NXPH1: variants seen among roughly 807,000 people sequenced by gnomAD.
NXPH1 encodes the protein neurexophilin-1.
Under a neutral mutation model 23.7 loss-of-function variants are expected in NXPH1, and 5 were observed. The ratio of observed to expected loss-of-function variants is 0.21; its 90% CI spans 0.11 to 0.44. The LOEUF (loss-of-function observed/expected upper bound fraction) is 0.44. Among genes scored for constraint, NXPH1 ranks in the 20% least tolerant of loss-of-function variants. The pLI is 0.99. For missense variants in NXPH1, 324 were observed against 321.6 expected, an observed-to-expected ratio of 1.01 and a Z score of -0.06; for synonymous variants, 144 against 122.2, an observed-to-expected ratio of 1.18 and a Z score of -1.18.
At chr7:8,640,481 A>T (rs892693285) in intron 2 of NXPH1, among the ~76,000 whole-genome samples, 69 of 151,730 alleles carry the variant, frequency 4.5e-4, no homozygotes, top group African/African-American at 1.4e-3. Context: ...TCTTTGATCT[A>T]GTCATACATT....
intron 2 of NXPH1, among the ~76,000 whole-genome samples, chr7:8,608,934 C>G (rs1040310323): frequency 6.6e-6 from 1 of 152,046 alleles, no homozygotes; most frequent in Admixed American, 6.6e-5. Context: ...GGGATATATA[C>G]AGTAAGTCCT....
In NXPH1 at chr7:8,606,958, G is replaced by A. The variant is rs147405480; in HGVS notation, c.55-144050G>A. ...AAACCACTAATTTTATTGATTGCTT[G>A]ATTTCTGATGTTTTGTGAATATAAC... On this transcript the variant is annotated intron_variant, in intron 2 of 2. Coordinates refer to ENST00000405863, the MANE Select transcript of NXPH1 (RefSeq NM_152745.3). 2.6e-5 allele frequency among the ~76,000 whole-genome samples: 4 copies of A among 152,166 alleles called. No individual in the cohort carries two copies. In the East Asian group the frequency reaches 7.7e-4, roughly 29 times the overall value.
At chr7:8,493,599 C>T (rs917859447) in intron 2 of NXPH1, among the ~76,000 whole-genome samples, 4 of 152,018 alleles carry the variant, frequency 2.6e-5, no homozygotes, top group Non-Finnish European at 5.9e-5. Context: ...TATATTTTCT[C>T]TCCTTGACCT....
At chr7:8,507,060 G>A (rs1817538626) in intron 2 of NXPH1, among the ~76,000 whole-genome samples, 1 of 149,804 alleles carries the variant, frequency 6.7e-6, no homozygotes, top group Admixed American at 6.6e-5. Flanking sequence ...CAAATGGGAA[G>A]CTATGCAACA....
chr7:8,604,320 A>C (rs1819429406), intron 2 of NXPH1, among the ~76,000 whole-genome samples: 1 of 152,188 alleles, frequency 6.6e-6, no homozygotes, highest in Non-Finnish European at 1.5e-5. Context: ...GTACAAAAAC[A>C]TATCTTGAGC....
rs546122877 is a variant in NXPH1 at position 8,602,073 on chromosome 7, C to T, written c.55-148935C>T. Among the ~76,000 whole-genome samples, 31 of 152,290 alleles carry T rather than the reference C, an allele frequency of 2.0e-4. No individual in the cohort carries two copies. In the South Asian group the frequency reaches 6.2e-3, roughly 31 times the overall value. ...GGATATAGTATATCAGAAAAGTACA[C>T]AACTTGCTTTTAAGAGTACAAACAC... On this transcript the variant is annotated intron_variant, in intron 2 of 2. Coordinates refer to ENST00000405863, the MANE Select transcript of NXPH1 (RefSeq NM_152745.3).
At chr7:8,463,887 G>A (rs2040890) in intron 2 of NXPH1, among the ~76,000 whole-genome samples, 24,128 of 152,110 alleles carry the variant, frequency 0.16, 4,872 homozygotes, top group African/African-American at 0.47. Flanking sequence ...GTTGACTATT[G>A]CTGGCATTAT....
At chr7:8,745,875 T>C (rs181439201) in intron 2 of NXPH1, among the ~76,000 whole-genome samples, 1 of 152,238 alleles carries the variant, frequency 6.6e-6, no homozygotes, top group Admixed American at 6.5e-5. Flanking sequence ...CCCTGTTCTT[T>C]ATTCTTGGAA....
At chr7:8,712,936 T>C (rs1218806911) in intron 2 of NXPH1, among the ~76,000 whole-genome samples, 1 of 152,154 alleles carries the variant, frequency 6.6e-6, no homozygotes, top group African/African-American at 2.4e-5. Flanking sequence ...TCGGTAACTT[T>C]CTTGTACTTG....
chr7:8,687,161 C>T (rs1821159383), intron 2 of NXPH1, among the ~76,000 whole-genome samples: 1 of 152,078 alleles, frequency 6.6e-6, no homozygotes, highest in East Asian at 1.9e-4. Context: ...TGTAATGCAT[C>T]AGTGCAGAGG....
At chr7:8,445,538 T>A (rs188079346) in intron 2 of NXPH1, among the ~76,000 whole-genome samples, 1 of 152,296 alleles carries the variant, frequency 6.6e-6, no homozygotes, top group East Asian at 1.9e-4. Context: ...TTGGCAGGAA[T>A]TTTAATACAA....
intron 2 of NXPH1, among the ~76,000 whole-genome samples, chr7:8,638,345 C>G (rs772750379): frequency 1.3e-5 from 2 of 152,166 alleles, no homozygotes; most frequent in Non-Finnish European, 2.9e-5. Flanking sequence ...GTAGATGCTC[C>G]CATTCACTGC....
intron 2 of NXPH1, among the ~76,000 whole-genome samples, chr7:8,601,660 T>C (rs1819364886): frequency 6.6e-6 from 1 of 152,342 alleles, no homozygotes; most frequent in South Asian, 2.1e-4. Context: ...CTACTCATCA[T>C]GGAATAGATC....
chr7:8,593,186 T>TC (rs1819138587), intron 2 of NXPH1, among the ~76,000 whole-genome samples: 1 of 151,402 alleles, frequency 6.6e-6, no homozygotes, highest in African/African-American at 2.4e-5. Context: ...TTTTTTTTTT[T>TC]CTATTTGTCT....
chr7:8,535,324 C>A (rs1467144559), intron 2 of NXPH1, among the ~76,000 whole-genome samples: 1 of 152,060 alleles, frequency 6.6e-6, no homozygotes, highest in Non-Finnish European at 1.5e-5. Context: ...ATAATAGAAT[C>A]TTATGCTTCA....
intron 2 of NXPH1, among the ~76,000 whole-genome samples, chr7:8,689,968 G>C (rs567883482): frequency 3.6e-4 from 55 of 152,266 alleles, no homozygotes; most frequent in African/African-American, 1.3e-3. Context: ...TAGGCTTACT[G>C]TTACCTTACT....
chr7:8,455,101 T>C (rs1277896708), intron 2 of NXPH1, among the ~76,000 whole-genome samples: 1 of 152,152 alleles, frequency 6.6e-6, no homozygotes, highest in Non-Finnish European at 1.5e-5. Context: ...TTATCAGAGG[T>C]AACCTTGCAA....
At chr7:8,474,857 A>T (rs116172721) in intron 2 of NXPH1, among the ~76,000 whole-genome samples, 1 of 152,074 alleles carries the variant, frequency 6.6e-6, no homozygotes, top group Non-Finnish European at 1.5e-5. Flanking sequence ...CTCACCTGGA[A>T]TTTAAGAGGA....
intron 2 of NXPH1, among the ~76,000 whole-genome samples, chr7:8,725,714 G>A (rs948046793): frequency 2.6e-5 from 4 of 152,134 alleles, no homozygotes; most frequent in Admixed American, 6.5e-5. Flanking sequence ...TGCCACACTA[G>A]AACATTGGAT....
Sources: allele counts gnomAD v4.1 joint callset (sites outside exome capture counted in the v4.1 genomes callset), GRCh38; gene constraint gnomAD v4.1.1; transcripts MANE v1.5; gene names NCBI Gene and HGNC (gene_info 2026-07-23, HGNC 2026-07-21).